The following OPCML variants were observed in gnomAD, a reference collection of about 807,000 sequenced individuals.
The protein encoded by OPCML is opioid-binding protein/cell adhesion molecule.
A neutral mutation model predicts 37.8 loss-of-function variants in OPCML; 13 were observed. The ratio of observed to expected loss-of-function variants is 0.34; its 90% CI spans 0.22 to 0.55. The LOEUF (loss-of-function observed/expected upper bound fraction) is 0.55, where lower values mean the gene tolerates loss of function less well. Among genes scored for constraint, OPCML ranks in the 20% least tolerant of loss-of-function variants. OPCML has a pLI of 0.91. For synonymous variants in OPCML, 176 were observed against 168.8 expected (o/e 1.04, Z -0.33); for missense variants, 341 against 435.6 (o/e 0.78, Z 1.93).
chr11:133,037,389 A>G (rs1327289373), intron 1 of OPCML, among the ~76,000 whole-genome samples: 1 of 152,194 alleles, frequency 6.6e-6, no homozygotes, highest in African/African-American at 2.4e-5. Flanking sequence ...GTTCAAGTTG[A>G]GGCTGCAGGA....
intron 1 of OPCML, among the ~76,000 whole-genome samples, chr11:133,134,611 T>C (rs1022218786): frequency 6.6e-6 from 1 of 152,190 alleles, no homozygotes; most frequent in African/African-American, 2.4e-5. Flanking sequence ...GCCTCGGCCA[T>C]GGGCTCTCCT....
At chr11:132,972,842 G>A (rs1007568782) in intron 1 of OPCML, among the ~76,000 whole-genome samples, 1 of 152,060 alleles carries the variant, frequency 6.6e-6, no homozygotes, top group Non-Finnish European at 1.5e-5. Context: ...GGCCCTGAGA[G>A]GCTGGCTGTA....
chr11:133,164,177 A>G (rs1373088649), intron 1 of OPCML, among the ~76,000 whole-genome samples: 1 of 152,198 alleles, frequency 6.6e-6, no homozygotes, highest in Non-Finnish European at 1.5e-5. Flanking sequence ...AGTGCCCTCG[A>G]GTTCCCCTTG....
At chr11:133,037,289 A>G (rs754371271) in intron 1 of OPCML, among the ~76,000 whole-genome samples, 2 of 152,204 alleles carry the variant, frequency 1.3e-5, no homozygotes, top group Non-Finnish European at 2.9e-5. Flanking sequence ...TAAGAGTTAT[A>G]AGAAACCAAA....
chr11:133,208,234 T>C lies in OPCML; in HGVS notation c.62-265224A>G, dbSNP rs549162235. Among the ~76,000 whole-genome samples, 8 of 152,348 alleles carry C rather than the reference T, an allele frequency of 5.3e-5. No individual in the cohort carries two copies. Among genetic ancestry groups the C allele is most frequent in the African/African-American group, 1.7e-4 (7 of 41,590 alleles). On this transcript the variant is annotated intron_variant, in intron 1 of 7. Coordinates refer to ENST00000524381, the MANE Select transcript of OPCML (RefSeq NM_001012393.5). The surrounding 1 kb of genome is among the most constrained non-coding windows in gnomAD (Gnocchi z 8.9). ...AGCATTTAGCTTATTGCTTAGCACA[T>C]TGTATTACATTGCATTGCACTGTAT...
chr11:133,135,877 C>T (rs1427330426), intron 1 of OPCML, among the ~76,000 whole-genome samples: 1 of 152,098 alleles, frequency 6.6e-6, no homozygotes, highest in Admixed American at 6.6e-5. Flanking sequence ...ATCTTGGAAC[C>T]ACAAGAGAAA....
chr11:132,522,538 T>C (rs549489997), intron 4 of OPCML, among the ~76,000 whole-genome samples: 3 of 152,350 alleles, frequency 2.0e-5, no homozygotes, highest in Non-Finnish European at 2.9e-5. Context: ...AATGCAAATA[T>C]GGCACAACTA....
chr11:132,973,933 C>T (rs1320257433), intron 1 of OPCML, among the ~76,000 whole-genome samples: 1 of 152,084 alleles, frequency 6.6e-6, no homozygotes, highest in African/African-American at 2.4e-5. Context: ...TAGCCTACCC[C>T]TTACCAAGCA....
intron 1 of OPCML, among the ~76,000 whole-genome samples, chr11:133,411,453 A>G (rs1174372150): frequency 1.3e-5 from 2 of 152,144 alleles, no homozygotes; most frequent in African/African-American, 4.8e-5. Flanking sequence ...AGGTCAGGCC[A>G]GAGGTCATGG....
chr11:132,661,375 T>C (rs1462587971), intron 2 of OPCML, among the ~76,000 whole-genome samples: 2 of 152,206 alleles, frequency 1.3e-5, no homozygotes, highest in Non-Finnish European at 2.9e-5. Flanking sequence ...CTCATGATGT[T>C]GCTCTGCTTC....
At chr11:132,841,417 T>C (rs59298849) in intron 2 of OPCML, among the ~76,000 whole-genome samples, 23,616 of 152,116 alleles carry the variant, frequency 0.16, 2,047 homozygotes, top group African/African-American at 0.21. Flanking sequence ...TAGCCCACTG[T>C]AGAGGGCCAG....
At chr11:132,805,390 A>T (rs1209665189) in intron 2 of OPCML, among the ~76,000 whole-genome samples, 1 of 152,244 alleles carries the variant, frequency 6.6e-6, no homozygotes, top group Non-Finnish European at 1.5e-5. Flanking sequence ...TTTAAGATAC[A>T]GTGGCAGAGA....
intron 4 of OPCML, among the ~76,000 whole-genome samples, chr11:132,507,702 A>G (rs1565622262): frequency 6.6e-6 from 1 of 151,864 alleles, no homozygotes; most frequent in Non-Finnish European, 1.5e-5. Context: ...TTTTAATTAT[A>G]TTTTAAACAA....
chr11:133,364,864 G>A (rs1944504220), intron 1 of OPCML, among the ~76,000 whole-genome samples: 2 of 151,998 alleles, frequency 1.3e-5, no homozygotes, highest in African/African-American at 2.4e-5. Context: ...GTGTGGTGAG[G>A]GGCCTGCTTA....
intron 2 of OPCML, among the ~76,000 whole-genome samples, chr11:132,881,031 T>C (rs574319475): frequency 1.1e-4 from 17 of 152,342 alleles, no homozygotes; most frequent in Admixed American, 5.2e-4. Context: ...TACGACTCTG[T>C]GGTCACTCAC....
At chr11:132,601,499 G>A (rs374973613) in intron 3 of OPCML, among the ~76,000 whole-genome samples, 8 of 152,094 alleles carry the variant, frequency 5.3e-5, no homozygotes, top group South Asian at 4.1e-4. Context: ...ACGCTACCAC[G>A]TAACCCTCCA....
At chr11:132,715,715 T>A (rs1464568767) in intron 2 of OPCML, among the ~76,000 whole-genome samples, 1 of 152,160 alleles carries the variant, frequency 6.6e-6, no homozygotes, top group East Asian at 1.9e-4. Flanking sequence ...AGCACCCTGG[T>A]TTTGGACTTA....
At chr11:133,008,017 G>A in intron 1 of OPCML, 4 of 985,466 alleles carry the variant, frequency 4.1e-6, no homozygotes, top group Non-Finnish European at 3.6e-6. Context: ...TGCAGGTGCT[G>A]TGTCAAGAGA....
At chr11:132,860,934 CA>C (rs765734341) in intron 2 of OPCML, among the ~76,000 whole-genome samples, 1 of 152,012 alleles carries the variant, frequency 6.6e-6, no homozygotes, top group Non-Finnish European at 1.5e-5. Flanking sequence ...CTTTTTGTAA[CA>C]AAAAAGATTT....
Sources: allele counts gnomAD v4.1 joint callset (sites outside exome capture counted in the v4.1 genomes callset), GRCh38; gene constraint gnomAD v4.1.1; non-coding constraint Gnocchi (gnomAD v3.1); transcripts MANE v1.5; gene names NCBI Gene and HGNC (gene_info 2026-07-23, HGNC 2026-07-21).